The following KIAA1217 variants were observed in gnomAD, a reference collection of about 807,000 sequenced individuals.
The protein encoded by KIAA1217 is sickle tail protein homolog.
A neutral mutation model predicts 163.9 loss-of-function variants in KIAA1217; 88 were observed. That is an observed-to-expected ratio of 0.54 (90% CI 0.45 to 0.64). KIAA1217 has a LOEUF of 0.64. Ranked by LOEUF, KIAA1217 falls within the 30% of genes least tolerant of loss-of-function variation. KIAA1217 has a pLI of 0.00. For missense variants in KIAA1217, 2,372 were observed against 2,475.0 expected, an observed-to-expected ratio of 0.96 and a Z score of 0.88; for synonymous variants, 903 against 923.1, an observed-to-expected ratio of 0.98 and a Z score of 0.39.
intron 6 of KIAA1217, among the ~76,000 whole-genome samples, chr10:24,484,300 A>G (rs1277460884): frequency 1.5e-5 from 2 of 129,588 alleles, no homozygotes; most frequent in Non-Finnish European, 3.1e-5. Flanking sequence ...GCTGGAGTGC[A>G]GTGGCATGAT....
chr10:24,111,655 C>T (rs903229870), intron 2 of KIAA1217, among the ~76,000 whole-genome samples: 2 of 151,970 alleles, frequency 1.3e-5, no homozygotes, highest in African/African-American at 4.8e-5. Context: ...AACGCTTGTC[C>T]GTTGCTGATG....
chr10:23,927,325 G>GGT (rs57321785), intron 1 of KIAA1217, among the ~76,000 whole-genome samples: 5,753 of 142,952 alleles, frequency 0.04, 149 homozygotes, highest in East Asian at 0.098. Flanking sequence ...CAAGTCATAG[G>GGT]GTGTGTGTGT....
At chr10:23,755,569 G>A (rs1833879469) in intron 1 of KIAA1217, among the ~76,000 whole-genome samples, 1 of 152,138 alleles carries the variant, frequency 6.6e-6, no homozygotes, top group Non-Finnish European at 1.5e-5. Flanking sequence ...CGAGTGAGGA[G>A]CAAAATACTT....
At chr10:24,086,481 A>C (rs1055625285) in intron 2 of KIAA1217, among the ~76,000 whole-genome samples, 2 of 152,178 alleles carry the variant, frequency 1.3e-5, no homozygotes, top group Admixed American at 1.3e-4. Context: ...TAAATAAGGA[A>C]TACTTCCAGG....
intron 2 of KIAA1217, among the ~76,000 whole-genome samples, chr10:24,013,828 AG>A (rs1402548361): frequency 6.6e-6 from 1 of 151,986 alleles, no homozygotes; most frequent in Non-Finnish European, 1.5e-5. Flanking sequence ...CCATGAGGGG[AG>A]GGAAGGAGAG....
chr10:24,289,858 G>A lies in KIAA1217; in HGVS notation c.354+69949G>A, dbSNP rs554689360. On this transcript the variant is annotated intron_variant, in intron 2 of 20. Coordinates refer to ENST00000376454, the MANE Select transcript of KIAA1217 (RefSeq NM_019590.5). Reference sequence around the variant, plus strand: ...AAGGTAAGTGGTCAGAGGAGCTGAAGGCTTTGAGAAAAGTATGGGCAAGTG... The same window carrying A: ...AAGGTAAGTGGTCAGAGGAGCTGAAAGCTTTGAGAAAAGTATGGGCAAGTG... Among the ~76,000 whole-genome samples, 20 of 152,228 alleles carry A rather than the reference G, an allele frequency of 1.3e-4. No homozygotes were observed. In the South Asian group the frequency reaches 4.1e-3, roughly 32 times the overall value.
intron 2 of KIAA1217, among the ~76,000 whole-genome samples, chr10:24,069,392 A>T (rs998748026): frequency 2.0e-5 from 3 of 152,038 alleles, no homozygotes; most frequent in African/African-American, 7.2e-5. Context: ...GCTGATTCAA[A>T]CTGCCACCTT....
chr10:23,932,326 T>C (rs780469703), intron 1 of KIAA1217, among the ~76,000 whole-genome samples: 11 of 152,128 alleles, frequency 7.2e-5, no homozygotes, highest in Non-Finnish European at 1.3e-4. Flanking sequence ...GCTTATTTAA[T>C]ACAATTTTCA....
intron 2 of KIAA1217, among the ~76,000 whole-genome samples, chr10:24,371,966 A>C (rs1306112664): frequency 2.0e-5 from 3 of 152,346 alleles, no homozygotes; most frequent in Non-Finnish European, 4.4e-5. Context: ...AACCCAATGC[A>C]GCATGTTCTT....
intron 2 of KIAA1217, among the ~76,000 whole-genome samples, chr10:24,077,382 C>A (rs1361690982): frequency 6.6e-6 from 1 of 152,152 alleles, no homozygotes; most frequent in Admixed American, 6.6e-5. Context: ...TTGTTACCTA[C>A]CGTGTGTTCT....
intron 5 of KIAA1217, among the ~76,000 whole-genome samples, chr10:24,446,654 C>T (rs539618318): frequency 6.6e-6 from 1 of 152,354 alleles, no homozygotes; most frequent in Admixed American, 6.5e-5. Flanking sequence ...CCCCTTCACT[C>T]ATGCAATGAC....
intron 2 of KIAA1217, among the ~76,000 whole-genome samples, chr10:24,186,010 A>G (rs1476281464): frequency 6.6e-6 from 1 of 151,898 alleles, no homozygotes; most frequent in Non-Finnish European, 1.5e-5. Flanking sequence ...AAATCAACAT[A>G]TTTACTCTAA....
chr10:24,449,517 A>C lies in KIAA1217; in HGVS notation c.846+11038A>C, dbSNP rs570031655. ...GGACAGGAAAAATGCCTTCCTACTC[A>C]GAATTAACTTTCATAGAGTAGAAAC... On this transcript the variant is annotated intron_variant, in intron 5 of 20. Transcript: ENST00000376454. 9 of 985,300 alleles carry C rather than the reference A, an allele frequency of 9.1e-6. No homozygotes were observed. In the South Asian group the frequency reaches 4.2e-4, roughly 46 times the overall value. 61.0% of individuals were successfully genotyped at this position (985,300 alleles called of 1,614,324 possible).
At chr10:24,367,471 G>T (rs2050942588) in intron 2 of KIAA1217, among the ~76,000 whole-genome samples, 1 of 152,206 alleles carries the variant, frequency 6.6e-6, no homozygotes, top group South Asian at 2.1e-4. Context: ...AGATTGGATT[G>T]TGGAATCAGC....
chr10:24,306,366 A>T (rs2042006633), intron 2 of KIAA1217, among the ~76,000 whole-genome samples: 1 of 152,176 alleles, frequency 6.6e-6, no homozygotes, highest in Non-Finnish European at 1.5e-5. Flanking sequence ...AATCTTTAGG[A>T]CTTTAAGTAA....
chr10:24,328,156 CT>C (rs2045180243), intron 2 of KIAA1217, among the ~76,000 whole-genome samples: 1 of 152,132 alleles, frequency 6.6e-6, no homozygotes, highest in Non-Finnish European at 1.5e-5. Flanking sequence ...GGGAAGAAAG[CT>C]TTATTCAGGT....
At chr10:23,889,354 G>T (rs1197760082) in intron 1 of KIAA1217, among the ~76,000 whole-genome samples, 1 of 151,810 alleles carries the variant, frequency 6.6e-6, no homozygotes, top group Non-Finnish European at 1.5e-5. Context: ...AATGCATATT[G>T]GCACCTCATT....
At chr10:23,807,626 T>A (rs1367112810) in intron 1 of KIAA1217, among the ~76,000 whole-genome samples, 2 of 152,194 alleles carry the variant, frequency 1.3e-5, no homozygotes, top group Admixed American at 1.3e-4. Context: ...TTTAGAAGGA[T>A]AGGATGAATA....
chr10:24,410,606 T>A (rs2057680607), intron 3 of KIAA1217, among the ~76,000 whole-genome samples: 1 of 152,232 alleles, frequency 6.6e-6, no homozygotes, highest in Admixed American at 6.5e-5. Context: ...TTGAAGGTGT[T>A]CTCTATCACT....
Sources: allele counts gnomAD v4.1 joint callset (sites outside exome capture counted in the v4.1 genomes callset), GRCh38; gene constraint gnomAD v4.1.1; transcripts MANE v1.5; gene names NCBI Gene and HGNC (gene_info 2026-07-23, HGNC 2026-07-21).